Variants in TOX3 observed in about 807,000 individuals in gnomAD.
The protein encoded by TOX3 is CAG trinucleotide repeat-containing gene F9 protein.
In TOX3, 22 loss-of-function variants were observed where a neutral mutation model predicts 64.3. The observed-to-expected ratio is 0.34, with a 90% confidence interval of 0.24 to 0.49. TOX3 has a LOEUF of 0.49. TOX3 is among the 20% of genes least tolerant of loss of function. TOX3 has a pLI of 0.99. For missense variants in TOX3, 661 were observed against 714.4 expected (o/e 0.93, Z 0.85); for synonymous variants, 291 against 273.6 (o/e 1.06, Z -0.63).
intron 1 of TOX3, among the ~76,000 whole-genome samples, chr16:52,529,947 A>G (rs1443129808): frequency 6.6e-6 from 1 of 152,248 alleles, no homozygotes; most frequent in Admixed American, 6.5e-5. Flanking sequence ...TGTGAAGGCA[A>G]CTGTGAAGTG....
intron 3 of TOX3, among the ~76,000 whole-genome samples, 180 bp downstream of exon 3, chr16:52,463,754 A>C (rs1172612796): frequency 6.6e-6 from 1 of 152,204 alleles, no homozygotes; most frequent in Admixed American, 6.5e-5. Context: ...GGTTACTGTC[A>C]ACCAACCCAA....
chr16:52,496,657 A>G (rs997254945), intron 1 of TOX3, among the ~76,000 whole-genome samples: 2 of 152,222 alleles, frequency 1.3e-5, no homozygotes, highest in South Asian at 4.1e-4. Context: ...GTATTCCTGA[A>G]TATCCTCTTT....
At chr16:52,447,784 G>T (rs906286655) in intron 4 of TOX3, among the ~76,000 whole-genome samples, 1 of 152,126 alleles carries the variant, frequency 6.6e-6, no homozygotes, top group Non-Finnish European at 1.5e-5. Context: ...TTCACCTGGA[G>T]CCAAGTTTTC....
chr16:52,492,494 GATAT>G (rs66977521), intron 1 of TOX3, among the ~76,000 whole-genome samples: 1 of 132,480 alleles, frequency 7.5e-6, no homozygotes, highest in African/African-American at 2.8e-5. Context: ...TATAATATAT[GATAT>G]ATATATAATA....
Position 52,438,600 on chromosome 16 carries a change from A to T in TOX3, c.*625T>A. ...GTGGTTTGATTTGGAGAAGTCATGG[A>T]TAAAAAGTGGAAATTAGTCAATAAT... On this transcript the variant is annotated 3_prime_UTR_variant, in exon 7 of 7. Transcript: ENST00000219746. 5.3e-6 allele frequency: 1 copy of T among 187,180 alleles called. No individual in the cohort carries two copies. The highest frequency in any genetic ancestry group is 1.1e-5 in the Non-Finnish European group (1 of 89,720). 11.6% of individuals were successfully genotyped at this position (187,180 alleles called of 1,614,324 possible). A position where few individuals can be genotyped will look rare whatever the true frequency, so the allele number is the denominator to read the frequency against.
intron 4 of TOX3, among the ~76,000 whole-genome samples, chr16:52,448,644 C>T (rs1432374066): frequency 1.3e-5 from 2 of 152,150 alleles, no homozygotes; most frequent in Non-Finnish European, 2.9e-5. Flanking sequence ...TTGAACCTCC[C>T]TTCTCTGTTC....
rs761279511 is a variant in TOX3 at position 52,446,180 on chromosome 16, C to A, written c.720G>T (p.Lys240Asn). Residue 240 changes from lysine to asparagine, a missense_variant, in exon 5 of 7, where the codon AAG (lysine) becomes AAT (asparagine). Physicochemically the swap from Lys to Asn is moderately conservative, Grantham distance 94. This residue lies in a region of TOX3 where 103 missense variants were observed against 161.2 expected (regional missense o/e 0.64). Coordinates refer to ENST00000219746, the MANE Select transcript of TOX3 (RefSeq NM_001080430.4). ...TTTTCTTTTTCTTTGGAGTCTTGGG[C>A]TTCTTGCCAGAGTCTGGAGCAGCTC... ...EKRAAPDSGK[K>N]PKTPKKKKKK... 3.7e-6 allele frequency: 6 copies of A among 1,613,898 alleles called. No homozygotes were observed. Among genetic ancestry groups the A allele is most frequent in the Non-Finnish European group, 5.1e-6 (6 of 1,179,846 alleles).
intron 1 of TOX3, among the ~76,000 whole-genome samples, chr16:52,473,256 T>G (rs1961102009): frequency 6.6e-6 from 1 of 152,052 alleles, no homozygotes; most frequent in South Asian, 2.1e-4. Flanking sequence ...CACAACATCA[T>G]TTTCACTGAA....
chr16:52,507,829 C>CT (rs1397886792), intron 1 of TOX3, among the ~76,000 whole-genome samples: 2 of 152,034 alleles, frequency 1.3e-5, no homozygotes, highest in Non-Finnish European at 2.9e-5. Flanking sequence ...GTTTTTCTTT[C>CT]TTTTTTAGAA....
rs969115310 is a variant in TOX3 at position 52,468,410 on chromosome 16, G to A, written c.153+99C>T. 462 of 1,099,212 alleles carry A rather than the reference G, an allele frequency of 4.2e-4. 1 individual carries two copies. The highest frequency in any genetic ancestry group is 5.9e-4 in the Non-Finnish European group (439 of 743,156). 68.1% of individuals were successfully genotyped at this position (1,099,212 alleles called of 1,614,324 possible). A position where few individuals can be genotyped will look rare whatever the true frequency, so the allele number is the denominator to read the frequency against. ...AAAGTAGTTACCTTGTGCCACATAAGAGAGAGATAAATTTGATACTTTGTT... is the reference window on the plus strand; with the variant it reads ...AAAGTAGTTACCTTGTGCCACATAAAAGAGAGATAAATTTGATACTTTGTT... On this transcript the variant is annotated intron_variant, in intron 2 of 6. Transcript: ENST00000219746.
intron 1 of TOX3, 136 bp downstream of exon 1, chr16:52,546,501 G>A (rs1057104633): frequency 2.6e-6 from 2 of 772,352 alleles, no homozygotes; most frequent in Admixed American, 3.0e-5. Flanking sequence ...GGACAGAGAC[G>A]AAGGCTCAAA....
intron 1 of TOX3, among the ~76,000 whole-genome samples, chr16:52,541,796 C>A (rs997400321): frequency 6.6e-6 from 1 of 152,168 alleles, no homozygotes; most frequent in Non-Finnish European, 1.5e-5. Flanking sequence ...AGTAGCCCAG[C>A]ATCTGGAGTG....
At chr16:52,498,444 G>A (rs1256695263) in intron 1 of TOX3, among the ~76,000 whole-genome samples, 1 of 152,144 alleles carries the variant, frequency 6.6e-6, no homozygotes, top group Non-Finnish European at 1.5e-5. Context: ...TAAATGAAGC[G>A]ATGAGATTCC....
At chr16:52,525,043 G>C (rs1962697576) in intron 1 of TOX3, among the ~76,000 whole-genome samples, 1 of 152,012 alleles carries the variant, frequency 6.6e-6, no homozygotes, top group East Asian at 1.9e-4. Context: ...AGGGAAAAAA[G>C]AGAATATTGT....
intron 3 of TOX3, among the ~76,000 whole-genome samples, chr16:52,463,104 T>C (rs1316068281): frequency 1.3e-5 from 2 of 152,202 alleles, no homozygotes; most frequent in Admixed American, 1.3e-4. Context: ...AGGATTTGTT[T>C]TTTGTTATAC....
intron 3 of TOX3, among the ~76,000 whole-genome samples, chr16:52,454,809 A>G (rs1201992751): frequency 6.6e-6 from 1 of 152,234 alleles, no homozygotes; most frequent in Non-Finnish European, 1.5e-5. Context: ...TATTTTACAC[A>G]TTAAACAAAA....
chr16:52,546,365 C>T (rs1464143212), intron 1 of TOX3, among the ~76,000 whole-genome samples: 1 of 151,200 alleles, frequency 6.6e-6, no homozygotes, highest in African/African-American at 2.5e-5. Flanking sequence ...GGGCTCTCTT[C>T]GCTTTTTGGG....
chr16:52,500,255 T>C (rs8051542), intron 1 of TOX3, among the ~76,000 whole-genome samples: 92,509 of 152,040 alleles, frequency 0.61, 28,673 homozygotes, highest in East Asian at 0.82. Context: ...TATTAGAGGA[T>C]GCAGCACTAT....
At chr16:52,494,753 T>C (rs927664210) in intron 1 of TOX3, among the ~76,000 whole-genome samples, 5 of 152,224 alleles carry the variant, frequency 3.3e-5, no homozygotes, top group African/African-American at 1.2e-4. Context: ...CAATAAATAT[T>C]GACTCAGCAC....
Sources: allele counts gnomAD v4.1 joint callset (sites outside exome capture counted in the v4.1 genomes callset), GRCh38; gene constraint gnomAD v4.1.1; regional missense constraint gnomAD v4.1.1; transcripts MANE v1.5; gene names NCBI Gene and HGNC (gene_info 2026-07-23, HGNC 2026-07-21).